The following RBFOX1 variants were observed in gnomAD, a reference collection of about 807,000 sequenced individuals.
RBFOX1 encodes RNA binding fox-1 homolog 1, also known as RNA binding protein fox-1 homolog 1.
Under a neutral mutation model 57.7 loss-of-function variants are expected in RBFOX1, and 8 were observed. That is an observed-to-expected ratio of 0.14 (90% CI 0.08 to 0.25). The LOEUF is 0.25. Among genes scored for constraint, RBFOX1 ranks in the 10% least tolerant of loss-of-function variants. The pLI is 1.00. For missense variants in RBFOX1, 611 were observed against 548.5 expected, an observed-to-expected ratio of 1.11 and a Z score of -1.14; for synonymous variants, 326 against 222.4, an observed-to-expected ratio of 1.47 and a Z score of -4.15.
At chr16:6,668,211 TATTG>T (rs1300089833) in intron 3 of RBFOX1, among the ~76,000 whole-genome samples, 1 of 152,224 alleles carries the variant, frequency 6.6e-6, no homozygotes, top group Non-Finnish European at 1.5e-5. Context: ...TGTCAAGTCA[TATTG>T]ATTGTGGCGG....
intron 4 of RBFOX1, among the ~76,000 whole-genome samples, chr16:5,977,405 A>G (rs1192507527): frequency 1.3e-5 from 2 of 152,052 alleles, no homozygotes; most frequent in South Asian, 2.1e-4. Flanking sequence ...ATGTGTCCCT[A>G]CGATCCCTGG....
At chr16:6,351,306 A>G (rs2086302074) in intron 2 of RBFOX1, among the ~76,000 whole-genome samples, 1 of 147,586 alleles carries the variant, frequency 6.8e-6, no homozygotes, top group East Asian at 2.0e-4. Flanking sequence ...TTGTATACAT[A>G]AAATATATAT....
At chr16:7,695,066 GGTGA>G (rs760148035) in intron 14 of RBFOX1, among the ~76,000 whole-genome samples, 43 of 152,276 alleles carry the variant, frequency 2.8e-4, no homozygotes, top group Non-Finnish European at 5.0e-4. Flanking sequence ...GCATGCGTGT[GGTGA>G]GTGTTTCCAT....
At chr16:5,753,245 A>G (rs1361440302) in intron 3 of RBFOX1, among the ~76,000 whole-genome samples, 3 of 152,146 alleles carry the variant, frequency 2.0e-5, no homozygotes, top group East Asian at 3.9e-4. Context: ...CTAAGTCCTC[A>G]TAATGCACTC....
At chr16:7,540,869 A>G (rs1452170508) in intron 5 of RBFOX1, among the ~76,000 whole-genome samples, 3 of 152,150 alleles carry the variant, frequency 2.0e-5, no homozygotes, top group Non-Finnish European at 4.4e-5. Context: ...TTAAACCCTA[A>G]ACTCCTCATG....
chr16:5,250,054 G>A (rs1413008457), intron 1 of RBFOX1, among the ~76,000 whole-genome samples: 1 of 151,906 alleles, frequency 6.6e-6, no homozygotes, highest in African/African-American at 2.4e-5. Context: ...GGAGGTTGTA[G>A]TGAGGAGGAG....
chr16:5,807,558 G>A (rs553810441), intron 3 of RBFOX1, among the ~76,000 whole-genome samples: 7 of 152,160 alleles, frequency 4.6e-5, no homozygotes, highest in Non-Finnish European at 1.0e-4. Flanking sequence ...GCTCATTATA[G>A]CCTCGTTATA....
At chr16:5,465,055 C>T (rs542022125) in intron 1 of RBFOX1, among the ~76,000 whole-genome samples, 1 of 152,260 alleles carries the variant, frequency 6.6e-6, no homozygotes, top group South Asian at 2.1e-4. Flanking sequence ...GAGAGAAAAG[C>T]CATATCTGCC....
intron 4 of RBFOX1, among the ~76,000 whole-genome samples, chr16:7,272,738 C>T (rs913696941): frequency 6.6e-6 from 1 of 152,062 alleles, no homozygotes; most frequent in Non-Finnish European, 1.5e-5. Flanking sequence ...GCTGAGAGCT[C>T]CTGAAGCTCC....
At position 6,143,215 on chromosome 16, in the gene RBFOX1, T is replaced by C. The variant is rs150249693; in HGVS notation, c.-127+123223T>C. Among the ~76,000 whole-genome samples the C allele has an allele frequency of 4.2e-3, 646 of 152,344 alleles. 6 individuals are homozygous for C. The highest frequency in any genetic ancestry group is 0.013 in the African/African-American group (561 of 41,584). On this transcript the variant is annotated intron_variant, in intron 1 of 15. Coordinates refer to ENST00000550418, the MANE Select transcript of RBFOX1 (RefSeq NM_018723.4). ...ACTTGTAAGAGAAAGGAGCTGTCAT[T>C]GAGTGCCTTGAAAAGTGGAATTGCA...
rs2094728763 is a variant in RBFOX1 at position 6,454,924 on chromosome 16, C to T, written c.-64+137867C>T. The stretch of plus-strand genomic sequence containing the variant: ...TTTGAGTTGGCGTCTCGCCCTGTCA[C>T]CCAGGCTGGAGTACAGCGGCACATC... On this transcript the variant is annotated intron_variant, in intron 2 of 15. Transcript: ENST00000550418. Among the ~76,000 whole-genome samples, 4 of 143,154 alleles carry T rather than the reference C, an allele frequency of 2.8e-5. No homozygotes were observed. The South Asian group carries it at 9.0e-4, about 32-fold the overall frequency. The allele number at this position is 143,154 out of a possible 152,430, so 93.9% of individuals were successfully genotyped here.
At chr16:6,450,600 A>T (rs1456799013) in intron 2 of RBFOX1, among the ~76,000 whole-genome samples, 1 of 150,220 alleles carries the variant, frequency 6.7e-6, no homozygotes, top group Admixed American at 6.7e-5. Flanking sequence ...GTATGTTTCC[A>T]ACCCCTGTTT....
chr16:6,788,096 C>T (rs998442704), intron 3 of RBFOX1, among the ~76,000 whole-genome samples: 34 of 152,096 alleles, frequency 2.2e-4, no homozygotes, highest in African/African-American at 7.5e-4. Flanking sequence ...GTGGCGCATG[C>T]CTGTAATCCT....
intron 2 of RBFOX1, among the ~76,000 whole-genome samples, chr16:6,556,385 G>C (rs1017008029): frequency 6.6e-6 from 1 of 152,112 alleles, no homozygotes; most frequent in Non-Finnish European, 1.5e-5. Flanking sequence ...CTTTTATTCT[G>C]ATGATGGCAA....
intron 4 of RBFOX1, among the ~76,000 whole-genome samples, chr16:5,908,191 T>C (rs1191176727): frequency 2.2e-5 from 3 of 134,014 alleles, no homozygotes; most frequent in Non-Finnish European, 3.1e-5. Context: ...TATATACACA[T>C]ATATACATAT....
chr16:6,431,037 C>T (rs1192297778), intron 2 of RBFOX1, among the ~76,000 whole-genome samples: 1 of 150,888 alleles, frequency 6.6e-6, no homozygotes, highest in Non-Finnish European at 1.5e-5. Context: ...ACTTGGGAGG[C>T]TGAGGAGGGA....
intron 4 of RBFOX1, among the ~76,000 whole-genome samples, chr16:7,268,634 C>G (rs1015499207): frequency 6.6e-6 from 1 of 152,156 alleles, no homozygotes; most frequent in Non-Finnish European, 1.5e-5. Flanking sequence ...ATTGTAAGTT[C>G]TTTTAGTTGA....
chr16:7,118,905 C>G (rs1369733682), intron 4 of RBFOX1, among the ~76,000 whole-genome samples: 1 of 152,068 alleles, frequency 6.6e-6, no homozygotes, highest in African/African-American at 2.4e-5. Flanking sequence ...TGTTGTTGTT[C>G]TGGTTATGAT....
chr16:5,925,797 G>A (rs1190010880), intron 4 of RBFOX1, among the ~76,000 whole-genome samples: 1 of 152,090 alleles, frequency 6.6e-6, no homozygotes, highest in East Asian at 1.9e-4. Flanking sequence ...TCCTGAAGAG[G>A]AGCTTTCTCT....
Sources: allele counts gnomAD v4.1 joint callset (sites outside exome capture counted in the v4.1 genomes callset), GRCh38; gene constraint gnomAD v4.1.1; transcripts MANE v1.5; gene names NCBI Gene and HGNC (gene_info 2026-07-23, HGNC 2026-07-21).